The following BACH2 variants were observed in gnomAD, a reference collection of about 807,000 sequenced individuals.
BACH2 encodes BACH transcriptional regulator 2, also known as transcription regulator protein BACH2.
In BACH2, 5 loss-of-function variants were observed where a neutral mutation model predicts 61.8. The observed-to-expected ratio is 0.08, with a 90% CI of 0.04 to 0.17. BACH2 has a LOEUF of 0.17. Ranked by LOEUF, BACH2 falls within the 10% of genes least tolerant of loss-of-function variation. The pLI, the probability that BACH2 is intolerant of heterozygous loss-of-function variation, is 1.00. For synonymous variants in BACH2, 446 were observed against 440.1 expected (o/e 1.01, Z -0.17); for missense variants, 824 against 1,091.1 (o/e 0.76, Z 3.45).
chr6:90,293,375 A>C (rs551767058), intron 1 of BACH2, among the ~76,000 whole-genome samples: 1 of 152,024 alleles, frequency 6.6e-6, no homozygotes. Flanking sequence ...CCTTTTTGTT[A>C]AGACTGGATC....
At chr6:89,980,479 C>A (rs924552754) in intron 6 of BACH2, among the ~76,000 whole-genome samples, 7 of 152,122 alleles carry the variant, frequency 4.6e-5, no homozygotes, top group African/African-American at 1.7e-4. Flanking sequence ...ATGATTATTG[C>A]CATTATGATG....
chr6:90,099,920 T>C (rs7753008), intron 4 of BACH2, among the ~76,000 whole-genome samples: 41,143 of 152,054 alleles, frequency 0.27, 6,852 homozygotes, highest in Non-Finnish European at 0.38. Flanking sequence ...ACACCCATAG[T>C]AGTTACTCTT....
At chr6:90,285,655 T>C (rs1771997639) in intron 1 of BACH2, among the ~76,000 whole-genome samples, 1 of 152,218 alleles carries the variant, frequency 6.6e-6, no homozygotes, top group African/African-American at 2.4e-5. Context: ...AGGCTGTGTC[T>C]GGCTGCTGGC....
At chr6:90,127,790 A>G (rs1783919003) in intron 4 of BACH2, among the ~76,000 whole-genome samples, 1 of 152,168 alleles carries the variant, frequency 6.6e-6, no homozygotes, top group African/African-American at 2.4e-5. Flanking sequence ...TTGCGTTTGA[A>G]CAGTTCCTGC....
At chr6:90,291,957 A>C (rs2127893845) in intron 1 of BACH2, among the ~76,000 whole-genome samples, 1 of 152,336 alleles carries the variant, frequency 6.6e-6, no homozygotes, top group East Asian at 1.9e-4. Flanking sequence ...TTCAACATCC[A>C]GACAGGGAAA....
chr6:90,165,658 T>C (rs1377463504), intron 4 of BACH2, among the ~76,000 whole-genome samples: 2 of 152,054 alleles, frequency 1.3e-5, no homozygotes, highest in African/African-American at 4.8e-5. Context: ...CTTCAAACTA[T>C]ACTACAAGGC....
At chr6:90,055,932 G>A (rs1388741418) in intron 5 of BACH2, among the ~76,000 whole-genome samples, 1 of 152,138 alleles carries the variant, frequency 6.6e-6, no homozygotes, top group Non-Finnish European at 1.5e-5. Flanking sequence ...GAGAGATTTT[G>A]TCACCACCAG....
At chr6:90,043,037 G>T (rs1304539536) in intron 5 of BACH2, among the ~76,000 whole-genome samples, 1 of 152,144 alleles carries the variant, frequency 6.6e-6, no homozygotes, top group African/African-American at 2.4e-5. Context: ...GGGTGAGAGA[G>T]AATGAAAAGA....
intron 6 of BACH2, among the ~76,000 whole-genome samples, chr6:89,973,191 C>T (rs192806030): frequency 3.4e-4 from 52 of 152,020 alleles, no homozygotes; most frequent in Admixed American, 4.6e-4. Flanking sequence ...CGTTTGAGCC[C>T]AAGAGTTCAG....
chr6:89,988,965 C>G (rs1720359065), intron 6 of BACH2, among the ~76,000 whole-genome samples: 1 of 152,170 alleles, frequency 6.6e-6, no homozygotes, highest in Admixed American at 6.5e-5. Flanking sequence ...ATTACCAAAT[C>G]TAGGTCGAAC....
intron 4 of BACH2, among the ~76,000 whole-genome samples, chr6:90,111,819 G>A (rs1783185831): frequency 6.6e-6 from 1 of 152,192 alleles, no homozygotes; most frequent in African/African-American, 2.4e-5. Context: ...ACAAGGGTAG[G>A]AATCTTGAAT....
chr6:89,950,531 G>C lies in BACH2; in HGVS notation c.1575C>G (p.Ser525=), dbSNP rs769413887. 1.2e-6 allele frequency: 2 copies of C among 1,612,456 alleles called. No individual in the cohort carries two copies. The highest frequency in any genetic ancestry group is 1.7e-6 in the Non-Finnish European group (2 of 1,178,820). ...CGCTCCCGTCCTCCGCGTAGGAATAGGAAGAGCAGGAGCTGGAAGTCCTGG... is the reference window on the plus strand; with the variant it reads ...CGCTCCCGTCCTCCGCGTAGGAATACGAAGAGCAGGAGCTGGAAGTCCTGG... The part of the protein sequence containing the change: ...TRTRTSSSCS[S]YSYAEDGSGG... Residue 525 remains serine, a synonymous_variant, in exon 7 of 9, where the codon TCC becomes TCG. Transcript: ENST00000257749. The surrounding 1 kb of genome is among the most constrained non-coding windows in gnomAD (Gnocchi z 5.3).
chr6:90,078,631 C>T (rs1443380502), intron 5 of BACH2, among the ~76,000 whole-genome samples: 1 of 152,186 alleles, frequency 6.6e-6, no homozygotes, highest in Non-Finnish European at 1.5e-5. Flanking sequence ...ATGACGATAA[C>T]ACCAACATCA....
chr6:90,289,627 AT>A (rs1772121263), intron 1 of BACH2, among the ~76,000 whole-genome samples: 1 of 152,226 alleles, frequency 6.6e-6, no homozygotes, highest in Non-Finnish European at 1.5e-5. Flanking sequence ...AACACTAATG[AT>A]ACATGATGAG....
chr6:90,048,822 T>C (rs962150205), intron 5 of BACH2, among the ~76,000 whole-genome samples: 1 of 152,230 alleles, frequency 6.6e-6, no homozygotes, highest in African/African-American at 2.4e-5. Flanking sequence ...ATTGAGTTAC[T>C]GCTTGCCTGG....
At chr6:89,985,876 T>C (rs1219714592) in intron 6 of BACH2, among the ~76,000 whole-genome samples, 1 of 152,146 alleles carries the variant, frequency 6.6e-6, no homozygotes, top group African/African-American at 2.4e-5. Flanking sequence ...CACTCCACAG[T>C]GGCATTTTTC....
In BACH2 at chr6:89,951,596, C is replaced by G; in HGVS notation, c.510G>C (p.Thr170=). 6.2e-7 allele frequency: 1 copy of G among 1,614,174 alleles called. No homozygotes were observed. The highest frequency in any genetic ancestry group is 8.5e-7 in the Non-Finnish European group (1 of 1,180,040). Residue 170 remains threonine, a synonymous_variant, in exon 7 of 9, where the codon ACG becomes ACC. Coordinates refer to ENST00000257749, the MANE Select transcript of BACH2 (RefSeq NM_021813.4). The surrounding 1 kb of genome is among the most constrained non-coding windows in gnomAD (Gnocchi z 6.4). ...AGEEEDEEEE[T]MDSETAKMAC... is the part of the protein sequence containing the mutation. ...CCATCTTGGCCGTCTCTGAATCCAT[C>G]GTCTCCTCCTCTTCATCCTCCTCCT...
chr6:89,934,260 T>C (rs1193042621), intron 8 of BACH2, among the ~76,000 whole-genome samples: 1 of 152,164 alleles, frequency 6.6e-6, no homozygotes, highest in Non-Finnish European at 1.5e-5. Flanking sequence ...TTCTTCTCCT[T>C]AAACAAAATC....
intron 4 of BACH2, among the ~76,000 whole-genome samples, chr6:90,105,237 T>C (rs1376922803): frequency 6.6e-6 from 1 of 152,194 alleles, no homozygotes; most frequent in Non-Finnish European, 1.5e-5. Context: ...TTCCAGAATA[T>C]CAAGGTGCTC....
Sources: allele counts gnomAD v4.1 joint callset (sites outside exome capture counted in the v4.1 genomes callset), GRCh38; gene constraint gnomAD v4.1.1; non-coding constraint Gnocchi (gnomAD v3.1); transcripts MANE v1.5; gene names NCBI Gene and HGNC (gene_info 2026-07-23, HGNC 2026-07-21).